RPS6KC1: variants seen among roughly 807,000 people sequenced by gnomAD.
The protein encoded by RPS6KC1 is inactive ribosomal protein S6 kinase delta-1.
Under a neutral mutation model 103.8 loss-of-function variants are expected in RPS6KC1, and 54 were observed. The observed-to-expected ratio is 0.52, with a 90% CI of 0.42 to 0.65. The LOEUF is 0.65. Among genes scored for constraint, RPS6KC1 ranks in the 30% least tolerant of loss-of-function variants. RPS6KC1 has a pLI of 0.00. For missense variants in RPS6KC1, 1,151 were observed against 1,253.8 expected, an observed-to-expected ratio of 0.92 and a Z score of 1.24; for synonymous variants, 439 against 438.7, an observed-to-expected ratio of 1.00 and a Z score of -0.01.
At chr1:213,431,589 G>A in the RPS6KC1 span, among the ~76,000 whole-genome samples, 6 of 151,450 alleles carry the variant, frequency 4.0e-5, no homozygotes, top group African/African-American at 1.2e-4. Context: ...GATTCATTCC[G>A]TTTTTAGCGT....
chr1:213,721,628 C>A, the RPS6KC1 span, among the ~76,000 whole-genome samples: 5 of 152,154 alleles, frequency 3.3e-5, no homozygotes, highest in African/African-American at 4.8e-5. Context: ...TATACCATGT[C>A]ATCACTCACA....
the RPS6KC1 span, among the ~76,000 whole-genome samples, chr1:213,712,098 C>T: frequency 6.6e-6 from 1 of 152,236 alleles, no homozygotes; most frequent in African/African-American, 2.4e-5. Flanking sequence ...TTTACGTGTA[C>T]TGAAACTGCG....
At chr1:213,208,622 A>G (rs1249058691) in intron 8 of RPS6KC1, among the ~76,000 whole-genome samples, 1 of 152,112 alleles carries the variant, frequency 6.6e-6, no homozygotes, top group Non-Finnish European at 1.5e-5. Flanking sequence ...GAACCTCATA[A>G]TCTGCTCAGG....
the RPS6KC1 span, among the ~76,000 whole-genome samples, chr1:213,431,801 G>A: frequency 2.6e-5 from 4 of 152,210 alleles, no homozygotes; most frequent in African/African-American, 9.6e-5. Context: ...CACATTGTGT[G>A]TATTATGTGG....
the RPS6KC1 span, among the ~76,000 whole-genome samples, chr1:213,636,058 C>A: frequency 2.0e-5 from 3 of 152,130 alleles, no homozygotes; most frequent in African/African-American, 7.2e-5. Context: ...ATACAATTTA[C>A]AAGGGGTGTG....
At chr1:213,623,856 G>C in the RPS6KC1 span, among the ~76,000 whole-genome samples, 1 of 152,238 alleles carries the variant, frequency 6.6e-6, no homozygotes, top group Non-Finnish European at 1.5e-5. Flanking sequence ...GCAAGGTGCT[G>C]TGTGTATTCA....
At chr1:213,760,934 G>A in the RPS6KC1 span, among the ~76,000 whole-genome samples, 1 of 124,348 alleles carries the variant, frequency 8.0e-6, no homozygotes, top group African/African-American at 3.0e-5. Context: ...TCGCATTTGG[G>A]GGGAAAATGA....
chr1:213,464,808 A>G, the RPS6KC1 span, among the ~76,000 whole-genome samples: 1 of 151,826 alleles, frequency 6.6e-6, no homozygotes, highest in Non-Finnish European at 1.5e-5. Context: ...AAATGCATTT[A>G]CATTTCTGGC....
At chr1:213,752,625 A>G in the RPS6KC1 span, among the ~76,000 whole-genome samples, 2 of 152,202 alleles carry the variant, frequency 1.3e-5, no homozygotes, top group Non-Finnish European at 2.9e-5. Flanking sequence ...CATGGAGGGA[A>G]AAAAAGAGGT....
the RPS6KC1 span, among the ~76,000 whole-genome samples, chr1:213,551,076 T>A: frequency 1.3e-4 from 20 of 152,162 alleles, no homozygotes; most frequent in Non-Finnish European, 2.8e-4. Context: ...GGGGCTGAAC[T>A]CTGCAGAATT....
At chr1:213,480,577 G>T in the RPS6KC1 span, among the ~76,000 whole-genome samples, 1 of 151,948 alleles carries the variant, frequency 6.6e-6, no homozygotes, top group African/African-American at 2.4e-5. Flanking sequence ...TTAATATCAG[G>T]ATACAATTAT....
the RPS6KC1 span, among the ~76,000 whole-genome samples, chr1:213,571,349 G>A: frequency 3.9e-5 from 6 of 152,206 alleles, no homozygotes; most frequent in Non-Finnish European, 5.9e-5. Context: ...TCTGGGAAGG[G>A]AAGGGGCTAT....
the RPS6KC1 span, among the ~76,000 whole-genome samples, chr1:213,289,656 G>T: frequency 6.6e-6 from 1 of 152,156 alleles, no homozygotes; most frequent in Non-Finnish European, 1.5e-5. Flanking sequence ...TTTCATTTTG[G>T]CAGACTTGAC....
chr1:213,260,951 A>T (rs1291351753), intron 12 of RPS6KC1, among the ~76,000 whole-genome samples: 1 of 152,224 alleles, frequency 6.6e-6, no homozygotes, highest in Non-Finnish European at 1.5e-5. Context: ...CGTGGCTTAA[A>T]ACAATATATC....
chr1:213,708,258 C>T, the RPS6KC1 span, among the ~76,000 whole-genome samples: 5 of 152,088 alleles, frequency 3.3e-5, no homozygotes, highest in Admixed American at 1.3e-4. Flanking sequence ...CCTTCACATC[C>T]CTTGTAAGTT....
intron 3 of RPS6KC1, among the ~76,000 whole-genome samples, chr1:213,080,648 T>A (rs1287655273): frequency 6.6e-6 from 1 of 152,172 alleles, no homozygotes; most frequent in Admixed American, 6.5e-5. Context: ...TCCCACAGCC[T>A]CCATCTCCTG....
intron 12 of RPS6KC1, among the ~76,000 whole-genome samples, chr1:213,244,827 C>G (rs2094428880): frequency 6.6e-6 from 1 of 152,122 alleles, no homozygotes; most frequent in African/African-American, 2.4e-5. Flanking sequence ...GGTTGTCCTT[C>G]ACTAGCATTT....
At chr1:213,772,849 A>C in the RPS6KC1 span, among the ~76,000 whole-genome samples, 2 of 152,184 alleles carry the variant, frequency 1.3e-5, no homozygotes. Context: ...TCCAAGGGCC[A>C]ACTGGTTTCC....
At chr1:213,228,041 C>G (rs1392502681) in intron 8 of RPS6KC1, among the ~76,000 whole-genome samples, 1 of 152,126 alleles carries the variant, frequency 6.6e-6, no homozygotes, top group Non-Finnish European at 1.5e-5. Context: ...ACAGCATGCC[C>G]ATAAAGAGCT....
Sources: allele counts gnomAD v4.1 joint callset (sites outside exome capture counted in the v4.1 genomes callset), GRCh38; gene constraint gnomAD v4.1.1; transcripts MANE v1.5; gene names NCBI Gene and HGNC (gene_info 2026-07-23, HGNC 2026-07-21).